The following SCRG1 variants were observed in gnomAD, a reference collection of about 807,000 sequenced individuals.
SCRG1 encodes the protein stimulator of chondrogenesis 1.
SCRG1 carries 3 observed loss-of-function variants against 7.7 expected under a neutral mutation model. The observed-to-expected ratio is 0.39, with a 90% CI of 0.18 to 1.01. SCRG1 has a LOEUF of 1.01. Among genes scored for constraint, SCRG1 ranks in the 50% least tolerant of loss-of-function variants. The pLI is 0.36. For synonymous variants in SCRG1, 46 were observed against 41.2 expected (o/e 1.12, Z -0.44); for missense variants, 110 against 117.2 (o/e 0.94, Z 0.28).
At chr4:173,437,132 T>C in the SCRG1 span, among the ~76,000 whole-genome samples, 2 of 152,250 alleles carry the variant, frequency 1.3e-5, no homozygotes, top group East Asian at 3.8e-4. Flanking sequence ...TGTTCTATTA[T>C]ACGCTCTCTG....
At chr4:173,490,929 G>T in the SCRG1 span, among the ~76,000 whole-genome samples, 1 of 152,108 alleles carries the variant, frequency 6.6e-6, no homozygotes, top group Non-Finnish European at 1.5e-5. Flanking sequence ...CAAGTGTCCC[G>T]TCCTCTCCCT....
intron 1 of SCRG1, among the ~76,000 whole-genome samples, chr4:173,391,905 GAC>G (rs370608521): frequency 2.6e-5 from 4 of 151,318 alleles, no homozygotes; most frequent in Non-Finnish European, 4.4e-5. Flanking sequence ...GTGAGACCTT[GAC>G]ACACACACAC....
upstream of SCRG1, among the ~76,000 whole-genome samples, chr4:173,401,793 CAT>C (rs1161700053): frequency 6.6e-6 from 1 of 152,158 alleles, no homozygotes; most frequent in African/African-American, 2.4e-5. Context: ...TGTTTTCAAA[CAT>C]GTGTTTATTA....
chr4:173,392,105 A>C (rs1739466333), intron 1 of SCRG1, among the ~76,000 whole-genome samples: 1 of 152,236 alleles, frequency 6.6e-6, no homozygotes, highest in Non-Finnish European at 1.5e-5. Flanking sequence ...TCTTTACCTT[A>C]CATTATCTTA....
chr4:173,508,810 G>A, the SCRG1 span, among the ~76,000 whole-genome samples: 2 of 152,208 alleles, frequency 1.3e-5, no homozygotes, highest in Admixed American at 6.5e-5. The surrounding 1 kb of genome is among the most constrained non-coding windows in gnomAD (Gnocchi z 4.4). Context: ...GAGCCTGTGG[G>A]AGAAGCACTC....
At chr4:173,399,654 A>T (rs532629057), upstream of SCRG1, 2 of 152,430 alleles carry the variant, frequency 1.3e-5, no homozygotes, top group South Asian at 2.1e-4. Context: ...TCACCCAAAG[A>T]CTCATTAGTA....
the SCRG1 span, among the ~76,000 whole-genome samples, chr4:173,480,836 C>T: frequency 6.6e-6 from 1 of 151,798 alleles, no homozygotes; most frequent in African/African-American, 2.4e-5. Context: ...CACAAAAAAA[C>T]AGATGAAGCA....
At chr4:173,492,824 C>A in the SCRG1 span, among the ~76,000 whole-genome samples, 3 of 152,172 alleles carry the variant, frequency 2.0e-5, no homozygotes, top group Non-Finnish European at 2.9e-5. Flanking sequence ...TGATCAGAAC[C>A]TAAACTGCAT....
upstream of SCRG1, among the ~76,000 whole-genome samples, chr4:173,406,733 T>C (rs1739916484): frequency 6.6e-6 from 1 of 152,254 alleles, no homozygotes; most frequent in Non-Finnish European, 1.5e-5. Context: ...ATGTAGTATG[T>C]AGCCATTACA....
At position 173,399,052 on chromosome 4, in the gene SCRG1, A is replaced by G. The variant is rs1303034083; in HGVS notation, c.-15+16T>C. On this transcript the variant is annotated intron_variant, in intron 1 of 2. Transcript: ENST00000296506. ...AACTGACATAAGATGTTTTTTATAGAGAAAAAATTACATACCTTTTTCTTC... is the reference window on the plus strand; with the variant it reads ...AACTGACATAAGATGTTTTTTATAGGGAAAAAATTACATACCTTTTTCTTC... 6.6e-6 allele frequency: 1 copy of G among 152,248 alleles called. No individual in the cohort carries two copies. Among genetic ancestry groups the G allele is most frequent in the Non-Finnish European group, 1.5e-5 (1 of 68,054 alleles). 9.4% of individuals were successfully genotyped at this position (152,248 alleles called of 1,614,324 possible). A position where few individuals can be genotyped will look rare whatever the true frequency, so the allele number is the denominator to read the frequency against.
At chr4:173,451,862 T>G in the SCRG1 span, among the ~76,000 whole-genome samples, 2 of 152,030 alleles carry the variant, frequency 1.3e-5, no homozygotes, top group African/African-American at 4.8e-5. Flanking sequence ...TGAGTCGAAG[T>G]AATACCCTTA....
chr4:173,470,341 A>T, the SCRG1 span, among the ~76,000 whole-genome samples: 1 of 152,294 alleles, frequency 6.6e-6, no homozygotes, highest in African/African-American at 2.4e-5. Context: ...GAGAGATGCA[A>T]GACAATGAGA....
the SCRG1 span, among the ~76,000 whole-genome samples, chr4:173,489,311 A>G: frequency 3.9e-5 from 6 of 152,212 alleles, no homozygotes; most frequent in African/African-American, 1.4e-4. Flanking sequence ...ATTAAGGTCC[A>G]CATATTAGCA....
At chr4:173,514,554 G>A in the SCRG1 span, among the ~76,000 whole-genome samples, 1 of 152,110 alleles carries the variant, frequency 6.6e-6, no homozygotes, top group Non-Finnish European at 1.5e-5. Flanking sequence ...TAAAAAAGGG[G>A]GGAGTAATGA....
At chr4:173,485,063 T>A in the SCRG1 span, among the ~76,000 whole-genome samples, 792 of 6,638 alleles carry the variant, frequency 0.12, 161 homozygotes, top group African/African-American at 0.24. Flanking sequence ...TATTATATAT[T>A]ATATATTATA....
At chr4:173,438,309 G>A in the SCRG1 span, among the ~76,000 whole-genome samples, 2 of 150,916 alleles carry the variant, frequency 1.3e-5, no homozygotes, top group Non-Finnish European at 2.9e-5. Flanking sequence ...TTTTTGTAGA[G>A]ATGGGCTTTC....
At chr4:173,441,529 C>G in the SCRG1 span, among the ~76,000 whole-genome samples, 1 of 152,130 alleles carries the variant, frequency 6.6e-6, no homozygotes, top group Non-Finnish European at 1.5e-5. Flanking sequence ...AATTTTGGGT[C>G]TGGGACTACT....
chr4:173,516,053 T>C, the SCRG1 span, among the ~76,000 whole-genome samples: 1 of 152,184 alleles, frequency 6.6e-6, no homozygotes, highest in Admixed American at 6.5e-5. Context: ...ATGCTCTTCA[T>C]CTTCCCACTC....
intron 2 of SCRG1, among the ~76,000 whole-genome samples, chr4:173,390,260 T>C (rs1739389321): frequency 6.6e-6 from 1 of 152,090 alleles, no homozygotes; most frequent in African/African-American, 2.4e-5. Flanking sequence ...ATACTTGTAT[T>C]TTAAGTACAA....
Sources: gnomAD v4.1 joint callset for allele counts (sites outside exome capture counted in the v4.1 genomes callset) on GRCh38, gnomAD v4.1.1 for gene constraint, Gnocchi (gnomAD v3.1) non-coding constraint, MANE v1.5 for transcripts, NCBI Gene and HGNC (gene_info 2026-07-23, HGNC 2026-07-21) for gene names.